MEAK7: variants seen among roughly 807,000 people sequenced by gnomAD.
MEAK7 encodes MTOR-associated protein MEAK7.
In MEAK7, 68 loss-of-function variants were observed where a neutral mutation model predicts 40.5. That is an observed-to-expected ratio of 1.68 (90% CI 1.38 to 2.06). The LOEUF is 2.06. Ranked by LOEUF, MEAK7 falls within the 30% of genes most tolerant of loss-of-function variation. The pLI is 0.00. For missense variants in MEAK7, 918 were observed against 580.5 expected, an observed-to-expected ratio of 1.58 and a Z score of -5.98; for synonymous variants, 338 against 231.9, an observed-to-expected ratio of 1.46 and a Z score of -4.16.
chr16:84,490,278 G>GT (rs1184366238), intron 3 of MEAK7, among the ~76,000 whole-genome samples: 2 of 122,966 alleles, frequency 1.6e-5, no homozygotes, highest in Non-Finnish European at 3.9e-5. Flanking sequence ...CCATAGCTGG[G>GT]GGAAAAAAAA....
chr16:84,482,916 A>C (rs1486481606), intron 5 of MEAK7, among the ~76,000 whole-genome samples: 1 of 152,196 alleles, frequency 6.6e-6, no homozygotes, highest in Non-Finnish European at 1.5e-5. Context: ...AGGGACAGCT[A>C]ATAAGGAATG....
Position 84,487,022 on chromosome 16 carries a change from A to G in MEAK7, c.567T>C (p.Tyr189=), listed in dbSNP as rs199830487. The change falls in exon 5 of 8, where the codon TAT becomes TAC. Residue 189 remains tyrosine (Y), a synonymous_variant. Transcript: ENST00000343629. The stretch of plus-strand genomic sequence containing the variant: ...CCTCGATCACAGCTCGGTCACAGTC[A>G]TAGTCCAGCCACTGGGGCCCCAGAA... ...KRLLGPQWLD[Y]DCDRAVIEDW... The G allele has an allele frequency of 6.2e-7, 1 of 1,613,856 alleles. No individual in the cohort carries two copies. Among genetic ancestry groups the G allele is most frequent in the East Asian group, 2.2e-5 (1 of 44,876 alleles).
At chr16:84,498,684 G>C (rs538111645) in intron 1 of MEAK7, among the ~76,000 whole-genome samples, 1 of 152,150 alleles carries the variant, frequency 6.6e-6, no homozygotes, top group Admixed American at 6.5e-5. Flanking sequence ...CACAAAGTCT[G>C]GGTTTGAGAA....
At chr16:84,496,422 C>G (rs773487303) in intron 2 of MEAK7, among the ~76,000 whole-genome samples, 2 of 152,170 alleles carry the variant, frequency 1.3e-5, no homozygotes, top group African/African-American at 2.4e-5. Context: ...AGCTACCCCT[C>G]CCTCCGTCTC....
At chr16:84,490,193 C>T (rs529325810) in intron 3 of MEAK7, among the ~76,000 whole-genome samples, 1 of 151,806 alleles carries the variant, frequency 6.6e-6, no homozygotes, top group African/African-American at 2.4e-5. Context: ...GTTTGATCAA[C>T]TCTACCTGAC....
intron 2 of MEAK7, chr16:84,497,172 C>A: frequency 3.2e-6 from 1 of 308,984 alleles, no homozygotes; most frequent in Non-Finnish European, 6.3e-6. Flanking sequence ...TCCCATGCTG[C>A]ACATTCTAGA....
intron 7 of MEAK7, 92 bp downstream of exon 7, chr16:84,480,437 G>C (rs912583641): frequency 1.4e-6 from 2 of 1,413,516 alleles, no homozygotes; most frequent in African/African-American, 2.9e-5. Flanking sequence ...ACTATCTGCA[G>C]ACAGAAGAGT....
intron 5 of MEAK7, chr16:84,485,990 T>TA (rs1913020642): frequency 4.9e-5 from 2 of 40,842 alleles, no homozygotes; most frequent in African/African-American, 1.4e-4. Flanking sequence ...CCTTATTATT[T>TA]TTTTTTTTTT....
rs1398010168 is a variant in MEAK7, at chr16:84,486,896, G to A, written c.693C>T (p.Val231=). Residue 231 remains valine (V), a synonymous_variant, in exon 5 of 8, where the codon GTC becomes GTT. Coordinates refer to ENST00000343629, the MANE Select transcript of MEAK7 (RefSeq NM_020947.4). ...TGCCCTGGTCCACTTGACGCTCAGG[G>A]ACCAGGGTAGTCAGATCAAGAGACG... ...LCSSLDLTTL[V]PERQVDQGRG... is the part of the protein sequence containing the mutation. 8 of 1,614,072 alleles carry A rather than the reference G, an allele frequency of 5.0e-6. No homozygotes were observed. The highest frequency in any genetic ancestry group is 1.1e-5 in the South Asian group (1 of 91,084).
rs980882037 is a variant in MEAK7, at chr16:84,478,277, A to G, written c.*1636T>C. The G allele has an allele frequency of 1.3e-5, 2 of 152,146 alleles. No homozygotes were observed. Among genetic ancestry groups the G allele is most frequent in the Non-Finnish European group, 2.9e-5 (2 of 68,026 alleles). The allele number at this position is 152,146 out of a possible 1,614,324, so 9.4% of individuals were successfully genotyped here. On this transcript the variant is annotated 3_prime_UTR_variant, in exon 8 of 8. Transcript: ENST00000343629. ...TGGCTAAGGAAAATCAGTCATGACTAAGTCCTTGTCTGCATCACGCTCCTG... is the reference window on the plus strand; with the variant it reads ...TGGCTAAGGAAAATCAGTCATGACTGAGTCCTTGTCTGCATCACGCTCCTG...
At chr16:84,502,649 T>C (rs773887475) in intron 1 of MEAK7, 1 of 150,954 alleles carries the variant, frequency 6.6e-6, no homozygotes, top group African/African-American at 2.4e-5. Context: ...TTTGGGAGGA[T>C]CATTTGAGGC....
intron 1 of MEAK7, 53 bp from the exon 2 acceptor site, chr16:84,498,164 A>T: frequency 3.9e-6 from 6 of 1,521,042 alleles, no homozygotes; most frequent in Non-Finnish European, 4.4e-6. Flanking sequence ...ATAATCACAG[A>T]AAATAAATGT....
chr16:84,488,259 T>C (rs967056924), intron 4 of MEAK7: 1 of 152,214 alleles, frequency 6.6e-6, no homozygotes, highest in Non-Finnish European at 1.5e-5. Context: ...ATAAGACGAA[T>C]TACTGATACT....
intron 1 of MEAK7, among the ~76,000 whole-genome samples, chr16:84,500,325 G>A (rs1199775640): frequency 6.6e-6 from 1 of 152,190 alleles, no homozygotes; most frequent in East Asian, 1.9e-4. Flanking sequence ...ACACCTAGGA[G>A]TGGACTTGCT....
intron 1 of MEAK7, among the ~76,000 whole-genome samples, chr16:84,499,507 A>G (rs12923092): frequency 0.33 from 49,926 of 151,900 alleles, 8,686 homozygotes; most frequent in East Asian, 0.55. Flanking sequence ...GGTAATCAGG[A>G]TCTTTCTCTT....
chr16:84,482,514 T>C (rs746683940), intron 6 of MEAK7, 78 bp downstream of exon 6: 258 of 1,608,824 alleles, frequency 1.6e-4, no homozygotes, highest in Non-Finnish European at 2.0e-4. Context: ...CCCTGATCTG[T>C]GGAGCTGAGC....
At chr16:84,501,893 C>G (rs1914534285) in intron 1 of MEAK7, among the ~76,000 whole-genome samples, 1 of 152,194 alleles carries the variant, frequency 6.6e-6, no homozygotes, top group Non-Finnish European at 1.5e-5. Flanking sequence ...GCCTGTAATC[C>G]CAGCACTTTG....
chr16:84,498,287 G>C (rs1914222025), intron 1 of MEAK7, among the ~76,000 whole-genome samples, 176 bp from the exon 2 acceptor site: 1 of 152,148 alleles, frequency 6.6e-6, no homozygotes, highest in African/African-American at 2.4e-5. Context: ...TTGTGTTGCT[G>C]AGGTGGGATC....
chr16:84,483,907 T>C (rs531747013), intron 5 of MEAK7, among the ~76,000 whole-genome samples: 9 of 152,276 alleles, frequency 5.9e-5, no homozygotes, highest in East Asian at 1.9e-4. Context: ...AAAGTTCCAC[T>C]GGAACCAGCT....
Sources: allele counts gnomAD v4.1 joint callset (sites outside exome capture counted in the v4.1 genomes callset), GRCh38; gene constraint gnomAD v4.1.1; transcripts MANE v1.5; gene names NCBI Gene and HGNC (gene_info 2026-07-23, HGNC 2026-07-21).